The following ZEB1 variants were observed in gnomAD, a reference collection of about 807,000 sequenced individuals.
ZEB1 encodes zinc finger E-box-binding homeobox 1.
ZEB1 carries 21 observed loss-of-function variants against 84.9 expected under a neutral mutation model. The observed-to-expected ratio is 0.25, with a 90% CI of 0.18 to 0.36. The LOEUF is 0.36. ZEB1 is among the 10% of genes least tolerant of loss of function. The pLI, the probability that ZEB1 is intolerant of heterozygous loss-of-function variation, is 1.00. For missense variants in ZEB1, 1,104 were observed against 1,330.2 expected (o/e 0.83, Z 2.65); for synonymous variants, 420 against 471.1 (o/e 0.89, Z 1.41).
intron 1 of ZEB1, among the ~76,000 whole-genome samples, chr10:31,428,302 T>A (rs549578038): frequency 6.6e-6 from 1 of 152,330 alleles, no homozygotes; most frequent in East Asian, 1.9e-4. Flanking sequence ...TTTTATTATG[T>A]CCTTAATTTC....
chr10:31,504,921 T>C (rs1014950562), intron 4 of ZEB1, among the ~76,000 whole-genome samples: 1 of 152,130 alleles, frequency 6.6e-6, no homozygotes, highest in Non-Finnish European at 1.5e-5. Flanking sequence ...CTTTTCCAAA[T>C]TGGATGGCTT....
At chr10:31,442,338 C>T (rs1450016762) in intron 1 of ZEB1, among the ~76,000 whole-genome samples, 1 of 151,768 alleles carries the variant, frequency 6.6e-6, no homozygotes, top group African/African-American at 2.4e-5. Flanking sequence ...CGTTCTCACT[C>T]TTAGGTGGGA....
intron 1 of ZEB1, among the ~76,000 whole-genome samples, chr10:31,450,880 G>A (rs1252268989): frequency 6.6e-6 from 1 of 152,046 alleles, no homozygotes; most frequent in African/African-American, 2.4e-5. Flanking sequence ...GAGCGTGTGT[G>A]TGTGTGTGTG....
chr10:31,494,610 G>A (rs1388452541), intron 2 of ZEB1, among the ~76,000 whole-genome samples: 1 of 151,920 alleles, frequency 6.6e-6, no homozygotes, highest in African/African-American at 2.4e-5. Context: ...TTTGATTAGG[G>A]TGCAGATAAG....
intron 1 of ZEB1, among the ~76,000 whole-genome samples, chr10:31,371,083 C>G (rs903318819): frequency 2.0e-5 from 3 of 152,134 alleles, no homozygotes; most frequent in Non-Finnish European, 4.4e-5. Flanking sequence ...ACACAAGTCA[C>G]TTCATGATCA....
At chr10:31,350,169 G>A (rs1487590910) in intron 1 of ZEB1, among the ~76,000 whole-genome samples, 1 of 151,876 alleles carries the variant, frequency 6.6e-6, no homozygotes, top group African/African-American at 2.4e-5. Context: ...ATTTATTGAG[G>A]AGACTGTTTT....
chr10:31,352,963 A>G (rs1223431180), intron 1 of ZEB1, among the ~76,000 whole-genome samples: 1 of 152,182 alleles, frequency 6.6e-6, no homozygotes, highest in African/African-American at 2.4e-5. Context: ...TGGAAATGCA[A>G]ACTACCACAA....
At chr10:31,319,585 C>T (rs909873150) in intron 1 of ZEB1, 6 of 394,922 alleles carry the variant, frequency 1.5e-5, no homozygotes, top group Non-Finnish European at 2.7e-5. Flanking sequence ...GCGCCGACGC[C>T]GCCGCATCCC....
Position 31,364,901 on chromosome 10 carries a change from T to A in ZEB1, c.58+45609T>A, listed in dbSNP as rs184233787. 1.4e-4 allele frequency among the ~76,000 whole-genome samples: 22 copies of A among 152,076 alleles called. No individual in the cohort carries two copies. In the East Asian group the frequency reaches 4.3e-3, roughly 29 times the overall value. The stretch of plus-strand genomic sequence containing the variant: ...AAGCACATGCACACCTCGAAGGAGG[T>A]CTTCACTTCAACATACGAGTTGACC... On this transcript the variant is annotated intron_variant, in intron 1 of 8. Coordinates refer to ENST00000424869, the MANE Select transcript of ZEB1 (RefSeq NM_001174096.2).
chr10:31,442,970 A>C (rs894514870), intron 1 of ZEB1, among the ~76,000 whole-genome samples: 1 of 152,192 alleles, frequency 6.6e-6, no homozygotes, highest in Admixed American at 6.5e-5. Flanking sequence ...AAAGCTTTGA[A>C]GTATAGAGGG....
At position 31,514,674 on chromosome 10, in the gene ZEB1, A is replaced by G. The variant is rs761708815; in HGVS notation, c.759A>G (p.Lys253=). Residue 253 remains lysine, a synonymous_variant, in exon 6 of 9, where the codon AAA becomes AAG. Transcript: ENST00000424869. ...CTECGKAFKY[K]HHLKEHLRIH... ...AGTGTGGAAAAGCTTTCAAATACAA[A>G]CATCACCTAAAAGAGCACTTAAGAA... 10 of 1,612,678 alleles carry G rather than the reference A, an allele frequency of 6.2e-6. 1 individual carries two copies. In the Middle Eastern group the frequency reaches 8.3e-4, roughly 134 times the overall value.
At chr10:31,482,440 A>G (rs554428722) in intron 2 of ZEB1, among the ~76,000 whole-genome samples, 1 of 152,002 alleles carries the variant, frequency 6.6e-6, no homozygotes, top group South Asian at 2.1e-4. Context: ...GACACATGAT[A>G]CAGTGTAGCA....
rs117518667 is a variant in ZEB1, at chr10:31,457,978, A to G, written c.59-3059A>G. On this transcript the variant is annotated intron_variant, in intron 1 of 8. Transcript: ENST00000424869. ...TGCATCATTAAAAGGTAAGAATGGCATCAGCATAAAACCATGGCCAACTCA... is the reference window on the plus strand; with the variant it reads ...TGCATCATTAAAAGGTAAGAATGGCGTCAGCATAAAACCATGGCCAACTCA... Among the ~76,000 whole-genome samples the G allele has an allele frequency of 4.9e-3, 742 of 152,260 alleles. 5 individuals carry two copies. Among genetic ancestry groups the G allele is most frequent in the Non-Finnish European group, 5.0e-3 (337 of 67,992 alleles).
chr10:31,379,457 A>ATG (rs1483231364), intron 1 of ZEB1, among the ~76,000 whole-genome samples: 1 of 151,654 alleles, frequency 6.6e-6, no homozygotes, highest in African/African-American at 2.4e-5. Context: ...GTGTATATAT[A>ATG]TATACATATA....
Position 31,521,209 on chromosome 10 carries a change from TAAA to T in ZEB1, c.1881_1883del (p.Lys628del), listed in dbSNP as rs975621711. 1.9e-6 allele frequency: 3 copies of T among 1,614,010 alleles called. No homozygotes were observed. The highest frequency in any genetic ancestry group is 2.5e-6 in the Non-Finnish European group (3 of 1,179,992). On this transcript the variant is annotated inframe_deletion, in exon 7 of 9. Coordinates refer to ENST00000424869, the MANE Select transcript of ZEB1 (RefSeq NM_001174096.2). ...TCAGTAAACCTACCACTGGATGTAG[TAAA>T]AAAGTGGTTTGAAAAGATGCAAGCT...
chr10:31,421,792 GTCTCCTCT>G (rs1336465768), intron 1 of ZEB1, among the ~76,000 whole-genome samples: 1 of 151,970 alleles, frequency 6.6e-6, no homozygotes, highest in Non-Finnish European at 1.5e-5. Flanking sequence ...TTACATGCCT[GTCTCCTCT>G]ACTAGTGAGA....
At chr10:31,372,009 G>A (rs576985368) in intron 1 of ZEB1, among the ~76,000 whole-genome samples, 2 of 152,180 alleles carry the variant, frequency 1.3e-5, no homozygotes, top group African/African-American at 4.8e-5. Context: ...GTGTACACAT[G>A]CACATGTATG....
chr10:31,522,123 A>G (rs1202318002), intron 7 of ZEB1, among the ~76,000 whole-genome samples, 187 bp downstream of exon 7: 1 of 152,220 alleles, frequency 6.6e-6, no homozygotes, highest in Admixed American at 6.5e-5. Context: ...TTGCTAATCC[A>G]GGGTATTGTT....
chr10:31,320,052 A>AGGCGCGGG (rs2033429978), intron 1 of ZEB1: 1 of 151,088 alleles, frequency 6.6e-6, no homozygotes, highest in African/African-American at 2.4e-5. Context: ...CGGGGATTAG[A>AGGCGCGGG]GGCGCGGGGG....
Sources: gnomAD v4.1 joint callset for allele counts (sites outside exome capture counted in the v4.1 genomes callset) on GRCh38, gnomAD v4.1.1 for gene constraint, MANE v1.5 for transcripts, NCBI Gene and HGNC (gene_info 2026-07-23, HGNC 2026-07-21) for gene names.